MICU3: variants seen among roughly 807,000 people sequenced by gnomAD.
The protein encoded by MICU3 is mitochondrial calcium uptake 3.
In MICU3, 62 loss-of-function variants were observed where a neutral mutation model predicts 66.5. The ratio of observed to expected loss-of-function variants is 0.93; its 90% confidence interval spans 0.76 to 1.15. The LOEUF is 1.15. Among genes scored for constraint, MICU3 ranks in the 50% most tolerant of loss-of-function variants. The pLI, the probability that MICU3 is intolerant of heterozygous loss-of-function variation, is 0.00. For missense variants in MICU3, 779 were observed against 664.4 expected, an observed-to-expected ratio of 1.17 and a Z score of -1.90; for synonymous variants, 308 against 240.7, an observed-to-expected ratio of 1.28 and a Z score of -2.59.
intron 2 of MICU3, among the ~76,000 whole-genome samples, chr8:17,068,386 G>A (rs749914622): frequency 1.3e-5 from 2 of 152,076 alleles, no homozygotes; most frequent in Non-Finnish European, 2.9e-5. Context: ...TTCCTCTTCC[G>A]ATAAATACCT....
chr8:17,032,964 G>A (rs1014046533), intron 1 of MICU3, among the ~76,000 whole-genome samples: 8 of 152,154 alleles, frequency 5.3e-5, no homozygotes, highest in Admixed American at 1.3e-4. Flanking sequence ...ACCATGAACC[G>A]CACCCATATA....
At chr8:17,081,939 TAATA>T in intron 5 of MICU3, 199 bp downstream of exon 5, 2 of 384,916 alleles carry the variant, frequency 5.2e-6, no homozygotes, top group Non-Finnish European at 4.8e-6. Flanking sequence ...TATGGTATAG[TAATA>T]AATGCTCATA....
chr8:17,089,790 G>A (rs1359969542), intron 7 of MICU3, among the ~76,000 whole-genome samples: 1 of 152,028 alleles, frequency 6.6e-6, no homozygotes, highest in Non-Finnish European at 1.5e-5. Flanking sequence ...CATGTGAAAT[G>A]TAATAAACAC....
At chr8:17,051,001 T>A (rs1705310794) in intron 1 of MICU3, among the ~76,000 whole-genome samples, 1 of 152,178 alleles carries the variant, frequency 6.6e-6, no homozygotes. Context: ...TCGAGTAGTT[T>A]GAAAGTCATG....
intron 1 of MICU3, among the ~76,000 whole-genome samples, chr8:17,029,647 T>C (rs1811677931): frequency 6.6e-6 from 1 of 152,206 alleles, no homozygotes; most frequent in South Asian, 2.1e-4. Context: ...GTCATGCCTT[T>C]TGTATTTCCC....
At chr8:17,098,436 G>A (rs774897217) in intron 8 of MICU3, 22 bp from the exon 9 acceptor site, 6 of 1,413,824 alleles carry the variant, frequency 4.2e-6, no homozygotes, top group Non-Finnish European at 6.0e-6. Flanking sequence ...GATTTCAGTT[G>A]TGCTTCTTAA....
chr8:17,125,556 G>A (rs1045496029), downstream of MICU3, among the ~76,000 whole-genome samples: 6 of 152,210 alleles, frequency 3.9e-5, no homozygotes, highest in South Asian at 2.1e-4. Flanking sequence ...CATTTCATAC[G>A]AGGAATCTTG....
At chr8:17,104,117 T>C (rs1320301675) in intron 9 of MICU3, among the ~76,000 whole-genome samples, 2 of 151,994 alleles carry the variant, frequency 1.3e-5, no homozygotes, top group Non-Finnish European at 2.9e-5. Context: ...TAGAATCCTA[T>C]ATGCATAATT....
At chr8:17,136,820 A>G in the MICU3 span, among the ~76,000 whole-genome samples, 17 of 150,150 alleles carry the variant, frequency 1.1e-4, no homozygotes, top group Middle Eastern at 3.5e-3. Flanking sequence ...GGGGACCACA[A>G]CTCAGGGGAG....
In MICU3 at chr8:17,090,556, T is replaced by C. The variant is rs1799942317; in HGVS notation, c.860T>C (p.Leu287Pro). The part of the protein sequence containing the change: ...EEKRAMLRLQ[L>P]YGYHSPTNSV... The stretch of plus-strand genomic sequence containing the variant: ...TGTGCTCTATGTCAGCGTCTTCAAC[T>C]TTATGGATACCATTCTCCTACTAAT... Residue 287 changes from leucine (L) to proline (P), a missense_variant, in exon 8 of 15, where the codon CTT becomes CCT. Leu to Pro is a moderately conservative substitution (Grantham distance 98). Transcript: ENST00000318063. 6.2e-7 allele frequency: 1 copy of C among 1,611,706 alleles called. No homozygotes were observed. Among genetic ancestry groups the C allele is most frequent in the Non-Finnish European group, 8.5e-7 (1 of 1,178,602 alleles).
chr8:17,066,543 A>AGAT (rs1554518402), intron 2 of MICU3, among the ~76,000 whole-genome samples: 4,845 of 104,920 alleles, frequency 0.046, 152 homozygotes, highest in Non-Finnish European at 0.064. Flanking sequence ...ATATATATAG[A>AGAT]TTTTTTTTTT....
rs1803165341 is a variant in MICU3, at chr8:17,121,118, G to T, written c.*831G>T. On this transcript the variant is annotated 3_prime_UTR_variant, in exon 15 of 15. Coordinates refer to ENST00000318063, the MANE Select transcript of MICU3 (RefSeq NM_181723.3). Reference sequence around the variant, plus strand: ...ATGAAGCTGCTCCTGATCATAGGTGGTACACGTTAATAACACTAGTAAAAA... The same window carrying T: ...ATGAAGCTGCTCCTGATCATAGGTGTTACACGTTAATAACACTAGTAAAAA... 1 of 151,796 alleles carries T rather than the reference G, an allele frequency of 6.6e-6. No individual in the cohort carries two copies. Among genetic ancestry groups the T allele is most frequent in the African/African-American group, 2.4e-5 (1 of 41,396 alleles). The allele number at this position is 151,796 out of a possible 1,614,324, so 9.4% of individuals were successfully genotyped here.
downstream of MICU3, among the ~76,000 whole-genome samples, chr8:17,126,166 G>A (rs933613673): frequency 7.1e-6 from 1 of 140,640 alleles, no homozygotes; most frequent in African/African-American, 2.5e-5. Context: ...TTCCTAAACA[G>A]TTTCAATCAT....
intron 3 of MICU3, among the ~76,000 whole-genome samples, chr8:17,076,916 T>G (rs1489923990): frequency 6.6e-6 from 1 of 152,228 alleles, no homozygotes; most frequent in Non-Finnish European, 1.5e-5. Flanking sequence ...CTAATGTGTT[T>G]CTAAGCAGAC....
intron 1 of MICU3, among the ~76,000 whole-genome samples, chr8:17,048,359 TAAA>T (rs745671263): frequency 2.6e-5 from 4 of 152,012 alleles, no homozygotes; most frequent in Admixed American, 6.6e-5. Flanking sequence ...TCACTGGCCT[TAAA>T]GAAGGCAAAG....
chr8:17,067,898 T>C (rs932593261), intron 2 of MICU3, among the ~76,000 whole-genome samples: 2 of 135,894 alleles, frequency 1.5e-5, no homozygotes, highest in African/African-American at 6.1e-5. Flanking sequence ...TTAAAAATTA[T>C]AGATCAAATA....
At chr8:17,077,464 A>C (rs543433629) in intron 3 of MICU3, among the ~76,000 whole-genome samples, 1 of 152,204 alleles carries the variant, frequency 6.6e-6, no homozygotes, top group African/African-American at 2.4e-5. Flanking sequence ...TTCCTTTATA[A>C]CTGGCTCCAG....
chr8:17,052,979 A>G (rs1816351015), intron 1 of MICU3, among the ~76,000 whole-genome samples: 1 of 152,180 alleles, frequency 6.6e-6, no homozygotes, highest in African/African-American at 2.4e-5. Context: ...ACAGTTGCCA[A>G]CATAGGGTAA....
At chr8:17,033,940 A>G (rs1003116310) in intron 1 of MICU3, among the ~76,000 whole-genome samples, 2 of 152,206 alleles carry the variant, frequency 1.3e-5, no homozygotes, top group South Asian at 2.1e-4. Flanking sequence ...AGGTGGTTAC[A>G]CTGAACAACA....
Sources: gnomAD v4.1 joint callset for allele counts (sites outside exome capture counted in the v4.1 genomes callset) on GRCh38, gnomAD v4.1.1 for gene constraint, MANE v1.5 for transcripts, NCBI Gene and HGNC (gene_info 2026-07-23, HGNC 2026-07-21) for gene names.